GLB1L: variants seen among roughly 807,000 people sequenced by gnomAD.
GLB1L encodes galactosidase beta 1 like.
Under a neutral mutation model 75.7 loss-of-function variants are expected in GLB1L, and 58 were observed. The ratio of observed to expected loss-of-function variants is 0.77; its 90% CI spans 0.62 to 0.95. The LOEUF (loss-of-function observed/expected upper bound fraction) is 0.95. Ranked by LOEUF, GLB1L falls within the 40% of genes least tolerant of loss-of-function variation. The pLI, the probability that GLB1L is intolerant of heterozygous loss-of-function variation, is 0.00. For synonymous variants in GLB1L, 296 were observed against 303.0 expected (o/e 0.98, Z 0.24); for missense variants, 797 against 805.5 (o/e 0.99, Z 0.13).
In GLB1L at chr2:219,236,642, T is replaced by C; in HGVS notation, c.*430A>G. 2.8e-6 allele frequency: 2 copies of C among 718,062 alleles called. No homozygotes were observed. The highest frequency in any genetic ancestry group is 2.2e-6 in the Non-Finnish European group (1 of 462,554). The allele number at this position is 718,062 out of a possible 1,614,324, so 44.5% of individuals were successfully genotyped here. ...CTGGAATTTTAATCACAATAAAGTT[T>C]GGCAAGGAATGTGTACTTGTACTTA... On this transcript the variant is annotated 3_prime_UTR_variant, in exon 17 of 17. Transcript: ENST00000295759.
chr2:219,239,839 G>C lies in GLB1L; in HGVS notation c.722-6C>G, dbSNP rs1178949179. On this transcript the variant is annotated splice_region_variant and splice_polypyrimidine_tract_variant and intron_variant, in intron 7 of 16. Transcript: ENST00000295759. ...GATTTTGGTCATGTTGTCAGCTGCG[G>C]AAAGGAGGCAAAAGAAAAAGATAAA... 1 of 1,614,206 alleles carries C rather than the reference G, an allele frequency of 6.2e-7. No homozygotes were observed. Among genetic ancestry groups the C allele is most frequent in the Admixed American group, 1.7e-5 (1 of 60,032 alleles).
chr2:219,237,383 A>G, intron 16 of GLB1L, 36 bp from the exon 17 acceptor site: 1 of 1,605,480 alleles, frequency 6.2e-7, no homozygotes, highest in South Asian at 1.1e-5. Context: ...GGGAAAAGAA[A>G]GGGTCAGCTC....
rs1325737593 is a variant in GLB1L, at chr2:219,243,225, G to C, written c.162C>G (p.His54Gln). 2 of 1,614,202 alleles carry C rather than the reference G, an allele frequency of 1.2e-6. No individual in the cohort carries two copies. The highest frequency in any genetic ancestry group is 1.3e-5 in the African/African-American group (1 of 75,074). ...AAAGCACCCGCGGTACCCGAAAGTA[G>C]TGCAGGCTGCCAGACACATAGCGGA... Reference protein sequence around the residue: ...APFRYVSGSLHYFRVPRVLWA... With the variant: ...APFRYVSGSLQYFRVPRVLWA... Residue 54 changes from histidine to glutamine, a missense_variant, in exon 3 of 17, where the codon CAC becomes CAG. By Grantham distance (24) the His-to-Gln change is conservative. Coordinates refer to ENST00000295759, the MANE Select transcript of GLB1L (RefSeq NM_001286423.2).
rs777101988 is a variant in GLB1L, at chr2:219,243,204, C to T, written c.183G>A (p.Val61=). 6.2e-7 allele frequency: 1 copy of T among 1,614,072 alleles called. No individual in the cohort carries two copies. The highest frequency in any genetic ancestry group is 8.5e-7 in the Non-Finnish European group (1 of 1,179,956). Residue 61 remains valine, a synonymous_variant, in exon 3 of 17, where the codon GTG becomes GTA. Coordinates refer to ENST00000295759, the MANE Select transcript of GLB1L (RefSeq NM_001286423.2). ...GSLHYFRVPR[V]LWADRLLKMR... The stretch of plus-strand genomic sequence containing the variant: ...TCTTCAAAAGCCGGTCGGCCCAAAG[C>T]ACCCGCGGTACCCGAAAGTAGTGCA...
At position 219,243,328 on chromosome 2, in the gene GLB1L, G is replaced by A; in HGVS notation, c.73-14C>T. The A allele has an allele frequency of 1.9e-6, 3 of 1,590,058 alleles. No homozygotes were observed. The highest frequency in any genetic ancestry group is 2.6e-6 in the Non-Finnish European group (3 of 1,164,816). On this transcript the variant is annotated splice_polypyrimidine_tract_variant and intron_variant, in intron 2 of 16. Coordinates refer to ENST00000295759, the MANE Select transcript of GLB1L (RefSeq NM_001286423.2). The stretch of plus-strand genomic sequence containing the variant: ...CCGAGTGTCTGCCTATAAAGAGAAA[G>A]AGACGCTGCTCAGCAGACGCCTGGA...
At position 219,240,045 on chromosome 2, in the gene GLB1L, C is replaced by A; in HGVS notation, c.596G>T (p.Arg199Met). Reference sequence around the variant, plus strand: ...TGCACGGAAGAGCCCAGCCAAGTGCCTCATGTAGCTGAAGTCACAGGCTCT... The same window carrying A: ...TGCACGGAAGAGCCCAGCCAAGTGCATCATGTAGCTGAAGTCACAGGCTCT... ...SYRACDFSYM[R>M]HLAGLFRALL... The change falls in exon 7 of 17, where the codon AGG becomes ATG. Residue 199 changes from arginine to methionine, a missense_variant. Coordinates refer to ENST00000295759, the MANE Select transcript of GLB1L (RefSeq NM_001286423.2). The A allele has an allele frequency of 6.2e-7, 1 of 1,614,096 alleles. No homozygotes were observed. Among genetic ancestry groups the A allele is most frequent in the Middle Eastern group, 1.6e-4 (1 of 6,062 alleles).
chr2:219,239,338 T>C, intron 10 of GLB1L, 73 bp downstream of exon 10: 10 of 1,516,596 alleles, frequency 6.6e-6, no homozygotes, highest in Non-Finnish European at 9.0e-6. Context: ...CTAGACATCC[T>C]AATCCACCTG....
chr2:219,237,352 G>A lies in GLB1L; in HGVS notation c.1690-5C>T, dbSNP rs750230745. On this transcript the variant is annotated splice_polypyrimidine_tract_variant and splice_region_variant and intron_variant, in intron 16 of 16. Transcript: ENST00000295759. Reference sequence around the variant, plus strand: ...CCCATTGATCCAGACTTGGCCCTGGGGAATAGGGAGCAGGAAAGAGGGGAA... The same window carrying A: ...CCCATTGATCCAGACTTGGCCCTGGAGAATAGGGAGCAGGAAAGAGGGGAA... 1.2e-6 allele frequency: 2 copies of A among 1,612,066 alleles called. No homozygotes were observed. Among genetic ancestry groups the A allele is most frequent in the Admixed American group, 1.7e-5 (1 of 59,872 alleles).
chr2:219,239,559 A>C lies in GLB1L; in HGVS notation c.902+2T>G. The C allele has an allele frequency of 6.2e-7, 1 of 1,614,202 alleles. No homozygotes were observed. Among genetic ancestry groups the C allele is most frequent in the East Asian group, 2.2e-5 (1 of 44,886 alleles). On this transcript the variant is annotated splice_donor_variant, in intron 9 of 16. Coordinates refer to ENST00000295759, the MANE Select transcript of GLB1L (RefSeq NM_001286423.2). LOFTEE classifies it high-confidence loss of function. Reference sequence around the variant, plus strand: ...CATATTGCCCCCAGTGTCTTTACTTACATGTTCACACTGGCTCCCAACTTG... The same window carrying C: ...CATATTGCCCCCAGTGTCTTTACTTCCATGTTCACACTGGCTCCCAACTTG...
chr2:219,241,936 G>A (rs1951404178), intron 5 of GLB1L, among the ~76,000 whole-genome samples: 1 of 152,202 alleles, frequency 6.6e-6, no homozygotes, highest in South Asian at 2.1e-4. Flanking sequence ...TGGGGGCAAT[G>A]GGGGTGATAA....
Position 219,243,301 on chromosome 2 carries a change from G to A in GLB1L, c.86C>T (p.Ser29Leu), listed in dbSNP as rs199837713. 196 of 1,598,544 alleles carry A rather than the reference G, an allele frequency of 1.2e-4. No individual in the cohort carries two copies. Among genetic ancestry groups the A allele is most frequent in the Admixed American group, 4.1e-4 (24 of 58,174 alleles). ...GTCATGACCCCTATCCACTACGAAC[G>A]ACCGAGTGTCTGCCTATAAAGAGAA... ...TLLLPQADTR[S>L]FVVDRGHDRF... Residue 29 changes from serine to leucine, a missense_variant, in exon 3 of 17, where the codon TCG (serine) becomes TTG (leucine). Ser to Leu is a moderately radical substitution (Grantham distance 145). Coordinates refer to ENST00000295759, the MANE Select transcript of GLB1L (RefSeq NM_001286423.2).
Position 219,239,575 on chromosome 2 carries a change from T to G in GLB1L, c.888A>C (p.Gly296=). The G allele has an allele frequency of 1.9e-6, 3 of 1,614,204 alleles. No homozygotes were observed. The highest frequency in any genetic ancestry group is 2.5e-6 in the Non-Finnish European group (3 of 1,180,036). Residue 296 remains glycine, a synonymous_variant, in exon 9 of 17, where the codon GGA becomes GGC. Transcript: ENST00000295759. ...TKGLENMLKL[G]ASVNMYMFHG... ...TCTTTACTTACATGTTCACACTGGCTCCCAACTTGAGCATGTTCTCTAGTC... is the reference window on the plus strand; with the variant it reads ...TCTTTACTTACATGTTCACACTGGCGCCCAACTTGAGCATGTTCTCTAGTC...
rs1951279163 is a variant in GLB1L, at chr2:219,237,505, C to G, written c.1689+7G>C. On this transcript the variant is annotated splice_region_variant and intron_variant, in intron 16 of 16. Coordinates refer to ENST00000295759, the MANE Select transcript of GLB1L (RefSeq NM_001286423.2). ...CCCGCTACCCAAACCACCACCATTA[C>G]CAATACCTTGGTCCATCCAGGTAGA... 6.2e-7 allele frequency: 1 copy of G among 1,612,750 alleles called. No individual in the cohort carries two copies. Among genetic ancestry groups the G allele is most frequent in the African/African-American group, 1.3e-5 (1 of 74,892 alleles).
chr2:219,238,607 T>A lies in GLB1L; in HGVS notation c.1138-23A>T, dbSNP rs368910955. 2.4e-5 allele frequency: 38 copies of A among 1,607,168 alleles called. No homozygotes were observed. In the Admixed American group the frequency reaches 4.9e-4, roughly 21 times the overall value. On this transcript the variant is annotated intron_variant, in intron 12 of 16. Coordinates refer to ENST00000295759, the MANE Select transcript of GLB1L (RefSeq NM_001286423.2). ...AACCTATTAGAATAAGGGAGAAGAA[T>A]TAGAATATCAGGGAAGTTTCTGGAT...
Position 219,240,103 on chromosome 2 carries a change from G to A in GLB1L, c.547-9C>T, listed in dbSNP as rs774635749. On this transcript the variant is annotated splice_polypyrimidine_tract_variant and intron_variant, in intron 6 of 16. Transcript: ENST00000295759. ...CCATATTCATTCTCCACCTGCCAGAGGGGAGGGAAAGTGGAACCCAGCTAT... is the reference window on the plus strand; with the variant it reads ...CCATATTCATTCTCCACCTGCCAGAAGGGAGGGAAAGTGGAACCCAGCTAT... 6 of 1,614,096 alleles carry A rather than the reference G, an allele frequency of 3.7e-6. No homozygotes were observed. In the African/African-American group the frequency reaches 4.0e-5, roughly 11 times the overall value.
At position 219,237,521 on chromosome 2, in the gene GLB1L, T is replaced by C. The variant is rs1014638859; in HGVS notation, c.1680A>G (p.Gly560=). 4 of 1,613,616 alleles carry C rather than the reference T, an allele frequency of 2.5e-6. No homozygotes were observed. Among genetic ancestry groups the C allele is most frequent in the Admixed American group, 3.3e-5 (2 of 60,020 alleles). ...CCACCATTACCAATACCTTGGTCCA[T>C]CCAGGTAGATATAGAAATGTGTCCC... ...SVGDTFLYLP[G]WTKGQVWING... The change falls in exon 16 of 17, where the codon GGA becomes GGG. Residue 560 remains glycine (G), a synonymous_variant. Coordinates refer to ENST00000295759, the MANE Select transcript of GLB1L (RefSeq NM_001286423.2).
chr2:219,241,438 G>GTATATATATATATATA (rs1210794187), intron 5 of GLB1L, among the ~76,000 whole-genome samples: 6 of 85,176 alleles, frequency 7.0e-5, no homozygotes, highest in East Asian at 1.1e-3. Flanking sequence ...GTGTGTGTGT[G>GTATATATATATATATA]TGTGTATATA....
Position 219,239,136 on chromosome 2 carries a change from C to A in GLB1L, c.1018G>T (p.Asp340Tyr). Residue 340 changes from aspartate to tyrosine, a missense_variant, in exon 11 of 17, where the codon GAC becomes TAC. Physicochemically the swap from Asp to Tyr is radical, Grantham distance 160. Coordinates refer to ENST00000295759, the MANE Select transcript of GLB1L (RefSeq NM_001286423.2). ...DYDAPISEAG[D>Y]PTPKLFALRD... ...AGAGCAAAAAGCTTAGGTGTGGGGT[C>A]CCCTGCTTCAGATATAGGTGCATCA... The A allele has an allele frequency of 6.2e-7, 1 of 1,614,002 alleles. No individual in the cohort carries two copies. Among genetic ancestry groups the A allele is most frequent in the South Asian group, 1.1e-5 (1 of 91,066 alleles).
rs1951347569 is a variant in GLB1L at position 219,240,019 on chromosome 2, G to A, written c.622C>T (p.Leu208=). ...MRHLAGLFRA[L]LGEKILLFTT... ...AAGAGCAAGATCTTTTCTCCTAGCA[G>A]TGCACGGAAGAGCCCAGCCAAGTGC... The change falls in exon 7 of 17, where the codon CTG becomes TTG. Residue 208 remains leucine, a synonymous_variant. Transcript: ENST00000295759. The A allele has an allele frequency of 6.2e-7, 1 of 1,613,902 alleles. No homozygotes were observed. The highest frequency in any genetic ancestry group is 8.5e-7 in the Non-Finnish European group (1 of 1,180,024).
Sources: gnomAD v4.1 joint callset for allele counts (sites outside exome capture counted in the v4.1 genomes callset) on GRCh38, gnomAD v4.1.1 for gene constraint, MANE v1.5 for transcripts, NCBI Gene and HGNC (gene_info 2026-07-23, HGNC 2026-07-21) for gene names.